Variants in CSMD1 observed in about 807,000 individuals in gnomAD.
CSMD1 encodes the protein CUB and Sushi multiple domains 1, also known as CUB and sushi domain-containing protein 1.
A neutral mutation model predicts 417.5 loss-of-function variants in CSMD1; 213 were observed. The ratio of observed to expected loss-of-function variants is 0.51; its 90% CI spans 0.46 to 0.57. The LOEUF (loss-of-function observed/expected upper bound fraction) is 0.57, where lower values mean the gene tolerates loss of function less well. Ranked by LOEUF, CSMD1 falls within the 20% of genes least tolerant of loss-of-function variation. The pLI, the probability that CSMD1 is intolerant of heterozygous loss-of-function variation, is 0.00. For synonymous variants in CSMD1, 2,862 were observed against 1,736.8 expected (o/e 1.65, Z -16.11); for missense variants, 6,923 against 4,529.7 (o/e 1.53, Z -15.17).
intron 5 of CSMD1, among the ~76,000 whole-genome samples, chr8:3,866,501 G>A (rs1192603062): frequency 6.6e-6 from 1 of 152,194 alleles, no homozygotes; most frequent in Non-Finnish European, 1.5e-5. Flanking sequence ...TTGGGTGCCT[G>A]ACGTGGTAAA....
At chr8:4,072,149 C>G (rs1799591916) in intron 3 of CSMD1, among the ~76,000 whole-genome samples, 1 of 152,206 alleles carries the variant, frequency 6.6e-6, no homozygotes, top group Non-Finnish European at 1.5e-5. Flanking sequence ...CTGCCTGTTT[C>G]TTTTCAACTT....
chr8:4,471,021 G>A (rs928922394), intron 2 of CSMD1, among the ~76,000 whole-genome samples: 3 of 152,124 alleles, frequency 2.0e-5, no homozygotes, highest in Non-Finnish European at 2.9e-5. Flanking sequence ...AGGATTCTAT[G>A]AAATATCTTT....
intron 6 of CSMD1, among the ~76,000 whole-genome samples, chr8:3,709,680 G>GTTTTTTTTTT (rs56272726): frequency 0.014 from 467 of 33,632 alleles, 90 homozygotes; most frequent in East Asian, 0.022. Context: ...GCAGCAGCAT[G>GTTTTTTTTTT]TTTTTTTTTT....
chr8:4,236,133 A>G (rs891374178), intron 3 of CSMD1, among the ~76,000 whole-genome samples: 4 of 150,234 alleles, frequency 2.7e-5, no homozygotes, highest in Non-Finnish European at 5.9e-5. Flanking sequence ...TGGGATAAAA[A>G]CACCGTATGT....
chr8:4,206,629 G>A (rs1242107755), intron 3 of CSMD1, among the ~76,000 whole-genome samples: 1 of 152,198 alleles, frequency 6.6e-6, no homozygotes, highest in South Asian at 2.1e-4. Flanking sequence ...ACTGTGAACA[G>A]TGATGCAATA....
chr8:3,042,811 A>T (rs1334676339), intron 50 of CSMD1, among the ~76,000 whole-genome samples: 3 of 152,178 alleles, frequency 2.0e-5, no homozygotes, highest in Non-Finnish European at 4.4e-5. Context: ...TTATATTTAT[A>T]GGTCGTATAA....
chr8:3,360,335 C>T (rs188327496), intron 20 of CSMD1, among the ~76,000 whole-genome samples: 118 of 152,354 alleles, frequency 7.7e-4, no homozygotes, highest in African/African-American at 2.7e-3. Context: ...GTGTTTGCCA[C>T]GTTCTTTACA....
intron 1 of CSMD1, among the ~76,000 whole-genome samples, chr8:4,857,578 G>C (rs1801879280): frequency 6.6e-6 from 1 of 151,944 alleles, no homozygotes; most frequent in African/African-American, 2.4e-5. Context: ...ATGATAAAGG[G>C]GATATCACCA....
At chr8:3,534,023 A>G (rs188817044) in intron 10 of CSMD1, among the ~76,000 whole-genome samples, 4 of 152,324 alleles carry the variant, frequency 2.6e-5, no homozygotes, top group Admixed American at 2.6e-4. Context: ...GAAGAAGAAT[A>G]TTCTATGAAT....
In CSMD1 at chr8:4,091,466, A is replaced by G. The variant is rs552822908; in HGVS notation, c.416-59367T>C. 1.7e-3 allele frequency among the ~76,000 whole-genome samples: 253 copies of G among 152,280 alleles called. 1 individual carries two copies. The highest frequency in any genetic ancestry group is 2.9e-3 in the Non-Finnish European group (196 of 68,010). Reference sequence around the variant, plus strand: ...TTGCTCCACGTCAGAAAAACAGCAAACAGAGGGATTTTTAAAAGTATTTAC... The same window carrying G: ...TTGCTCCACGTCAGAAAAACAGCAAGCAGAGGGATTTTTAAAAGTATTTAC... On this transcript the variant is annotated intron_variant, in intron 3 of 69. Transcript: ENST00000635120.
intron 3 of CSMD1, among the ~76,000 whole-genome samples, chr8:4,375,933 G>T (rs1404289796): frequency 3.3e-5 from 5 of 152,142 alleles, no homozygotes; most frequent in Non-Finnish European, 7.4e-5. Context: ...TCTTAGATGT[G>T]CAGAGAGTTT....
chr8:4,323,883 C>G (rs1799409237), intron 3 of CSMD1, among the ~76,000 whole-genome samples: 1 of 152,118 alleles, frequency 6.6e-6, no homozygotes, highest in Non-Finnish European at 1.5e-5. Flanking sequence ...TGAAGAAACT[C>G]CACATTTTGA....
chr8:4,151,465 T>C (rs938196431), intron 3 of CSMD1, among the ~76,000 whole-genome samples: 1 of 152,204 alleles, frequency 6.6e-6, no homozygotes, highest in Non-Finnish European at 1.5e-5. Context: ...GAATCACCCA[T>C]ATCTAGTTTA....
At chr8:4,389,460 T>C (rs959047800) in intron 3 of CSMD1, among the ~76,000 whole-genome samples, 1 of 152,046 alleles carries the variant, frequency 6.6e-6, no homozygotes, top group Admixed American at 6.6e-5. Context: ...ACAAACATAA[T>C]TTGGTTAGTG....
intron 5 of CSMD1, among the ~76,000 whole-genome samples, chr8:3,965,822 T>C (rs1375701870): frequency 6.6e-6 from 1 of 152,050 alleles, no homozygotes; most frequent in African/African-American, 2.4e-5. Context: ...TTTCACCATG[T>C]TGGCCAGGCC....
intron 25 of CSMD1, among the ~76,000 whole-genome samples, chr8:3,305,652 A>C (rs1177504269): frequency 2.6e-5 from 4 of 152,110 alleles, no homozygotes; most frequent in Admixed American, 2.6e-4. Flanking sequence ...CAGAACTGTT[A>C]AGAAACTAAA....
At chr8:3,736,308 C>T (rs1256210299) in intron 6 of CSMD1, among the ~76,000 whole-genome samples, 2 of 152,012 alleles carry the variant, frequency 1.3e-5, no homozygotes, top group East Asian at 1.9e-4. Flanking sequence ...GTGGGGCAAT[C>T]ACGACTCACT....
At chr8:4,426,999 T>A (rs1231130748) in intron 2 of CSMD1, among the ~76,000 whole-genome samples, 1 of 152,070 alleles carries the variant, frequency 6.6e-6, no homozygotes, top group Middle Eastern at 3.4e-3. Flanking sequence ...AATTTAGATA[T>A]CAAGAAGTGA....
intron 5 of CSMD1, among the ~76,000 whole-genome samples, chr8:3,845,901 A>C (rs1048594230): frequency 5.9e-5 from 9 of 152,006 alleles, no homozygotes; most frequent in Admixed American, 5.2e-4. Context: ...TCCTAGGCCT[A>C]AACAGTGATC....
Sources: allele counts gnomAD v4.1 joint callset (sites outside exome capture counted in the v4.1 genomes callset), GRCh38; gene constraint gnomAD v4.1.1; transcripts MANE v1.5; gene names NCBI Gene and HGNC (gene_info 2026-07-23, HGNC 2026-07-21).